Variants in KCNB2 observed in about 807,000 individuals in gnomAD.
KCNB2 encodes potassium voltage-gated channel subfamily B member 2.
Under a neutral mutation model 61.5 loss-of-function variants are expected in KCNB2, and 15 were observed. The observed-to-expected ratio is 0.24, with a 90% confidence interval of 0.16 to 0.38. KCNB2 has a LOEUF of 0.38. KCNB2 is among the 10% of genes least tolerant of loss of function. The pLI, the probability that KCNB2 is intolerant of heterozygous loss-of-function variation, is 1.00. For synonymous variants in KCNB2, 457 were observed against 446.0 expected, an observed-to-expected ratio of 1.02 and a Z score of -0.31; for missense variants, 828 against 1,125.2, an observed-to-expected ratio of 0.74 and a Z score of 3.78.
At chr8:72,671,379 T>A (rs1294444203) in intron 2 of KCNB2, among the ~76,000 whole-genome samples, 1 of 152,210 alleles carries the variant, frequency 6.6e-6, no homozygotes, top group East Asian at 1.9e-4. Flanking sequence ...CTGCAAAACC[T>A]TGATTCTTTG....
rs563237343 is a variant in KCNB2, at chr8:72,724,960, A to G, written c.579+156647A>G. 2.0e-4 allele frequency among the ~76,000 whole-genome samples: 31 copies of G among 152,270 alleles called. 1 individual carries two copies. The South Asian group carries it at 6.0e-3, about 29-fold the overall frequency. On this transcript the variant is annotated intron_variant, in intron 2 of 2. Coordinates refer to ENST00000523207, the MANE Select transcript of KCNB2 (RefSeq NM_004770.3). ...AGAGCTTTAACACCAAAGACATGCT[A>G]CTTTTTATTTTTTATTTTCCTAACC...
chr8:72,700,985 AATACC>A (rs1178597744), intron 2 of KCNB2, among the ~76,000 whole-genome samples: 1 of 152,174 alleles, frequency 6.6e-6, no homozygotes. Flanking sequence ...CAGGAACAAG[AATACC>A]ACATGTTCTC....
intron 2 of KCNB2, among the ~76,000 whole-genome samples, chr8:72,908,271 C>G (rs1806214417): frequency 6.6e-6 from 1 of 152,194 alleles, no homozygotes; most frequent in Non-Finnish European, 1.5e-5. Context: ...AGAAGCATCC[C>G]TGACCTTCTA....
chr8:72,723,155 A>G (rs941456337), intron 2 of KCNB2, among the ~76,000 whole-genome samples: 9 of 152,210 alleles, frequency 5.9e-5, no homozygotes, highest in African/African-American at 2.2e-4. Flanking sequence ...TGATTATGAA[A>G]TGATTAGTTA....
At chr8:72,846,074 T>C (rs2129002969) in intron 2 of KCNB2, among the ~76,000 whole-genome samples, 1 of 151,788 alleles carries the variant, frequency 6.6e-6, no homozygotes, top group African/African-American at 2.4e-5. Flanking sequence ...ACCTTGGTGG[T>C]GTAGGCACCT....
intron 2 of KCNB2, among the ~76,000 whole-genome samples, chr8:72,802,611 A>G (rs1335837790): frequency 6.6e-6 from 1 of 152,068 alleles, no homozygotes; most frequent in Non-Finnish European, 1.5e-5. Context: ...GTTTGTTTAT[A>G]TCTTACTGGG....
At chr8:72,907,084 C>T (rs1388536090) in intron 2 of KCNB2, among the ~76,000 whole-genome samples, 1 of 152,148 alleles carries the variant, frequency 6.6e-6, no homozygotes, top group Non-Finnish European at 1.5e-5. Flanking sequence ...TAAGGCTGTG[C>T]ACGTTGGCGC....
intron 2 of KCNB2, among the ~76,000 whole-genome samples, chr8:72,882,519 T>TAG (rs1805729766): frequency 7.9e-5 from 3 of 38,110 alleles, no homozygotes. Flanking sequence ...CTGCTGACAG[T>TAG]TGAGAGAGAG....
intron 2 of KCNB2, among the ~76,000 whole-genome samples, chr8:72,613,254 C>CAAGAAAAA (rs1289374213): frequency 1.3e-5 from 2 of 151,958 alleles, no homozygotes; most frequent in South Asian, 2.1e-4. Context: ...TCAATCATAG[C>CAAGAAAAA]AAGAAAAAAA....
intron 2 of KCNB2, among the ~76,000 whole-genome samples, chr8:72,851,221 A>G (rs6150655): frequency 0.04 from 5,829 of 145,022 alleles, 549 homozygotes; most frequent in African/African-American, 0.13. Flanking sequence ...CTTCCACGTC[A>G]CTGCCTTAAA....
intron 2 of KCNB2, among the ~76,000 whole-genome samples, chr8:72,847,168 G>A (rs1197737682): frequency 2.0e-5 from 3 of 152,168 alleles, no homozygotes; most frequent in African/African-American, 7.2e-5. Context: ...TTGCCAGACT[G>A]GGGGCAATGG....
chr8:72,906,703 T>C (rs1001257210), intron 2 of KCNB2, among the ~76,000 whole-genome samples: 1 of 152,230 alleles, frequency 6.6e-6, no homozygotes, highest in Non-Finnish European at 1.5e-5. Context: ...AATGACTGCC[T>C]TGTCATTTGA....
chr8:72,903,710 C>T (rs372837004), intron 2 of KCNB2, among the ~76,000 whole-genome samples: 83 of 152,258 alleles, frequency 5.5e-4, no homozygotes, highest in East Asian at 4.2e-3. Context: ...ATGTCATCTA[C>T]GGAAAGATGT....
chr8:72,922,515 T>C lies in KCNB2; in HGVS notation c.580-13420T>C, dbSNP rs1310370259. Among the ~76,000 whole-genome samples the C allele has an allele frequency of 2.0e-5, 3 of 152,106 alleles. No individual in the cohort carries two copies. In the East Asian group the frequency reaches 5.8e-4, roughly 29 times the overall value. On this transcript the variant is annotated intron_variant, in intron 2 of 2. Coordinates refer to ENST00000523207, the MANE Select transcript of KCNB2 (RefSeq NM_004770.3). ...GATGAATACTCCAGAAGATTCAGGG[T>C]TTGGTAAGGGCTCACTTTTTGCTTC...
At chr8:72,734,521 C>T (rs1807804868) in intron 2 of KCNB2, among the ~76,000 whole-genome samples, 1 of 152,106 alleles carries the variant, frequency 6.6e-6, no homozygotes, top group Non-Finnish European at 1.5e-5. Context: ...TATTGACACA[C>T]TGAAAAGGTA....
intron 2 of KCNB2, among the ~76,000 whole-genome samples, chr8:72,909,205 G>C (rs1428825099): frequency 6.6e-6 from 1 of 152,158 alleles, no homozygotes; most frequent in African/African-American, 2.4e-5. Flanking sequence ...GAGAGCTGTG[G>C]GCTCACATTG....
At chr8:72,540,898 A>G (rs915015809) in intron 1 of KCNB2, among the ~76,000 whole-genome samples, 1 of 152,036 alleles carries the variant, frequency 6.6e-6, no homozygotes, top group Non-Finnish European at 1.5e-5. Flanking sequence ...TTCATTTATT[A>G]CTTACTAAAT....
At chr8:72,571,705 C>T (rs1255097099) in intron 2 of KCNB2, among the ~76,000 whole-genome samples, 2 of 152,020 alleles carry the variant, frequency 1.3e-5, no homozygotes, top group African/African-American at 4.8e-5. Context: ...ATGTGTGGCT[C>T]AGCTGAATGG....
At chr8:72,806,282 C>T (rs537789822) in intron 2 of KCNB2, among the ~76,000 whole-genome samples, 19 of 149,996 alleles carry the variant, frequency 1.3e-4, no homozygotes, top group Non-Finnish European at 2.5e-4. Flanking sequence ...CACTGGAATC[C>T]AGAAGGCGGA....
Sources: gnomAD v4.1 joint callset for allele counts (sites outside exome capture counted in the v4.1 genomes callset) on GRCh38, gnomAD v4.1.1 for gene constraint, MANE v1.5 for transcripts, NCBI Gene and HGNC (gene_info 2026-07-23, HGNC 2026-07-21) for gene names.